The following NALF2 variants were observed in gnomAD, a reference collection of about 807,000 sequenced individuals.
The protein encoded by NALF2 is NALCN channel auxiliary factor 2.
Under a neutral mutation model 24.8 loss-of-function variants are expected in NALF2, and 1 was observed. The ratio of observed to expected loss-of-function variants is 0.04; its 90% CI spans 0.01 to 0.19. The LOEUF is 0.19. Among genes scored for constraint, NALF2 ranks in the 10% least tolerant of loss-of-function variants. The pLI is 1.00. For missense variants in NALF2, 458 were observed against 409.6 expected (o/e 1.12, Z -1.02); for synonymous variants, 254 against 189.8 (o/e 1.34, Z -2.78).
At chrX:69,518,808 G>A (rs1281935609) in intron 1 of NALF2, among the ~76,000 whole-genome samples, 1 of 111,960 alleles carries the variant, frequency 8.9e-6, no homozygotes, top group Non-Finnish European at 1.9e-5. Context: ...AACTCTCTTA[G>A]CTGTTTTCTT....
intron 1 of NALF2, among the ~76,000 whole-genome samples, chrX:69,519,593 A>G (rs763421386): frequency 1.3e-4 from 15 of 112,151 alleles, no homozygotes; most frequent in Non-Finnish European, 7.5e-5. Flanking sequence ...CTGCATTAAC[A>G]AAAAGTTTCT....
intron 1 of NALF2, among the ~76,000 whole-genome samples, chrX:69,512,073 C>G (rs981557275): frequency 1.8e-5 from 2 of 111,777 alleles, no homozygotes; most frequent in Non-Finnish European, 3.8e-5. Context: ...GCTCATTTCT[C>G]AGCCACATGT....
intron 1 of NALF2, among the ~76,000 whole-genome samples, chrX:69,509,838 G>A (rs182675627): frequency 2.7e-5 from 3 of 112,472 alleles, no homozygotes; most frequent in African/African-American, 6.5e-5. Flanking sequence ...GAAAGTTCTA[G>A]GTTAAAACCT....
At chrX:69,528,204 C>G (rs1416785014) in intron 1 of NALF2, among the ~76,000 whole-genome samples, 3 of 111,549 alleles carry the variant, frequency 2.7e-5, no homozygotes, top group Non-Finnish European at 3.8e-5. Context: ...GGGAATCTTC[C>G]TTAGCTAGGA....
At chrX:69,528,631 G>A (rs777958931) in intron 1 of NALF2, among the ~76,000 whole-genome samples, 2 of 112,126 alleles carry the variant, frequency 1.8e-5, no homozygotes, top group Non-Finnish European at 3.8e-5. Context: ...TTATATATAG[G>A]TAGTCTCAGA....
rs1475964226 is a variant in NALF2, at chrX:69,505,882, C to T, written c.600C>T (p.Asp200=). 3.3e-6 allele frequency: 4 copies of T among 1,211,450 alleles called. No homozygotes were observed. Among genetic ancestry groups the T allele is most frequent in the Non-Finnish European group, 4.5e-6 (4 of 895,374 alleles). Residue 200 remains aspartate, a synonymous_variant, in exon 1 of 3, where the codon GAC becomes GAT. Coordinates refer to ENST00000252338, the MANE Select transcript of NALF2 (RefSeq NM_015686.3). ...GGAACTTCACTCTCTCCTTTTGCGACACCTACACGGTCTGGGACTTGCTGC... is the reference window on the plus strand; with the variant it reads ...GGAACTTCACTCTCTCCTTTTGCGATACCTACACGGTCTGGGACTTGCTGC... ...HFRNFTLSFC[D]TYTVWDLLLG... is the part of the protein sequence containing the mutation.
chrX:69,530,001 C>T lies in NALF2; in HGVS notation c.*45C>T, dbSNP rs777108540. 1 of 1,037,700 alleles carries T rather than the reference C, an allele frequency of 9.6e-7. No homozygotes were observed. The highest frequency in any genetic ancestry group is 2.3e-5 in the South Asian group (1 of 43,925). 85.5% of individuals were successfully genotyped at this position (1,037,700 alleles called of 1,213,427 possible). A position where few individuals can be genotyped will look rare whatever the true frequency, so the allele number is the denominator to read the frequency against. ...ACCTCCACCACACTGACATCAGCTC[C>T]AGCTCCCCCAGGTTGGGGGGGAGGG... On this transcript the variant is annotated 3_prime_UTR_variant, in exon 3 of 3. Coordinates refer to ENST00000252338, the MANE Select transcript of NALF2 (RefSeq NM_015686.3).
intron 1 of NALF2, among the ~76,000 whole-genome samples, chrX:69,528,183 A>G (rs1930835621): frequency 9.0e-6 from 1 of 111,597 alleles, no homozygotes; most frequent in African/African-American, 3.3e-5. Flanking sequence ...ATAACCAAAG[A>G]GTATGGAGCA....
In NALF2 at chrX:69,505,365, G is replaced by A. The variant is rs1175366381; in HGVS notation, c.83G>A (p.Arg28Lys). Reference sequence around the variant, plus strand: ...TGCTGCTGCTGCTGCTGGGCTCCCAGGCCGAGCGACAAACCTTGCGCCGAC... The same window carrying A: ...TGCTGCTGCTGCTGCTGGGCTCCCAAGCCGAGCGACAAACCTTGCGCCGAC... The part of the protein sequence containing the change: ...ICCCCCCWAP[R>K]PSDKPCADSE... The change falls in exon 1 of 3, where the codon AGG (arginine) becomes AAG (lysine). Residue 28 changes from arginine to lysine, a missense_variant. Physicochemically the swap from Arg to Lys is conservative, Grantham distance 26. Coordinates refer to ENST00000252338, the MANE Select transcript of NALF2 (RefSeq NM_015686.3). 1.7e-6 allele frequency: 2 copies of A among 1,157,004 alleles called. No individual in the cohort carries two copies. The highest frequency in any genetic ancestry group is 3.6e-5 in the African/African-American group (2 of 55,142).
intron 1 of NALF2, among the ~76,000 whole-genome samples, chrX:69,520,189 T>A (rs1160348642): frequency 8.9e-6 from 1 of 112,198 alleles, no homozygotes; most frequent in Non-Finnish European, 1.9e-5. Flanking sequence ...GGTTATGCTC[T>A]GGTAACAAAC....
intron 1 of NALF2, among the ~76,000 whole-genome samples, chrX:69,527,746 C>T (rs945092566): frequency 8.9e-6 from 1 of 111,793 alleles, no homozygotes; most frequent in Admixed American, 9.4e-5. Flanking sequence ...CAGGAACAGG[C>T]AAGGTGCATG....
chrX:69,527,389 C>G (rs921631441), intron 1 of NALF2, among the ~76,000 whole-genome samples: 1 of 111,952 alleles, frequency 8.9e-6, no homozygotes, highest in Non-Finnish European at 1.9e-5. Context: ...TGGAAAAGGC[C>G]AGTGTGGGAT....
At chrX:69,529,541 C>T in intron 2 of NALF2, 30 bp from the exon 3 acceptor site, 2 of 1,187,046 alleles carry the variant, frequency 1.7e-6, no homozygotes, top group East Asian at 6.0e-5. Flanking sequence ...TCCCCGAGCA[C>T]CCCACCACAC....
At chrX:69,523,277 T>G (rs146932383) in intron 1 of NALF2, among the ~76,000 whole-genome samples, 2,862 of 112,357 alleles carry the variant, frequency 0.025, 89 homozygotes, top group African/African-American at 0.088. Context: ...AGGAGCTCGG[T>G]ATGGCCTCCG....
chrX:69,528,921 G>A, intron 1 of NALF2, 72 bp from the exon 2 acceptor site: 1 of 1,075,747 alleles, frequency 9.3e-7, no homozygotes, highest in Non-Finnish European at 1.2e-6. Context: ...CCACAAGTAA[G>A]TCCTCCCATC....
At position 69,504,971 on chromosome X, in the gene NALF2, C is replaced by A. The variant is rs951231734; in HGVS notation, c.-312C>A. ...CGACACTATGAGGAGTGCGGCGCCGCCGCCGCAGCCGCCACCGCCCCAGTG... is the reference window on the plus strand; with the variant it reads ...CGACACTATGAGGAGTGCGGCGCCGACGCCGCAGCCGCCACCGCCCCAGTG... On this transcript the variant is annotated 5_prime_UTR_variant, in exon 1 of 3. Coordinates refer to ENST00000252338, the MANE Select transcript of NALF2 (RefSeq NM_015686.3). Among the ~76,000 whole-genome samples the A allele has an allele frequency of 1.3e-4, 14 of 107,147 alleles. No individual in the cohort carries two copies. The highest frequency in any genetic ancestry group is 2.2e-4 in the Non-Finnish European group (11 of 51,038). 93.0% of individuals were successfully genotyped at this position (107,147 alleles called of 115,157 possible). A position where few individuals can be genotyped will look rare whatever the true frequency, so the allele number is the denominator to read the frequency against.
At position 69,530,259 on chromosome X, in the gene NALF2, C is replaced by T; in HGVS notation, c.*303C>T. On this transcript the variant is annotated 3_prime_UTR_variant, in exon 3 of 3. Coordinates refer to ENST00000252338, the MANE Select transcript of NALF2 (RefSeq NM_015686.3). Reference sequence around the variant, plus strand: ...GGAGGAAGTGGGGGCTGGATATGCCCACCCCTGCCAAAAGCCCTGACCCCA... The same window carrying T: ...GGAGGAAGTGGGGGCTGGATATGCCTACCCCTGCCAAAAGCCCTGACCCCA... 3.8e-6 allele frequency: 1 copy of T among 261,984 alleles called. No homozygotes were observed. Among genetic ancestry groups the T allele is most frequent in the Non-Finnish European group, 6.8e-6 (1 of 147,720 alleles). The allele number at this position is 261,984 out of a possible 1,213,427, so 21.6% of individuals were successfully genotyped here.
At chrX:69,508,649 G>A (rs1165600427) in intron 1 of NALF2, among the ~76,000 whole-genome samples, 5 of 111,468 alleles carry the variant, frequency 4.5e-5, no homozygotes, top group Non-Finnish European at 9.4e-5. Flanking sequence ...TGATGGGCAC[G>A]AAGGGAAAAG....
intron 1 of NALF2, among the ~76,000 whole-genome samples, chrX:69,511,813 C>T (rs759569303): frequency 1.8e-5 from 2 of 111,936 alleles, no homozygotes; most frequent in Non-Finnish European, 3.8e-5. Context: ...CCCAACACAT[C>T]GTAAGCATGC....
Sources: gnomAD v4.1 joint callset for allele counts (sites outside exome capture counted in the v4.1 genomes callset) on GRCh38, gnomAD v4.1.1 for gene constraint, MANE v1.5 for transcripts, NCBI Gene and HGNC (gene_info 2026-07-23, HGNC 2026-07-21) for gene names.